The following RHOBTB1 variants were observed in gnomAD, a reference collection of about 807,000 sequenced individuals.
The protein encoded by RHOBTB1 is rho-related BTB domain-containing protein 1.
Under a neutral mutation model 71.6 loss-of-function variants are expected in RHOBTB1, and 40 were observed. The observed-to-expected ratio is 0.56, with a 90% CI of 0.43 to 0.73. The LOEUF (loss-of-function observed/expected upper bound fraction) is 0.73, where lower values mean the gene tolerates loss of function less well. Ranked by LOEUF, RHOBTB1 falls within the 30% of genes least tolerant of loss-of-function variation. The pLI is 0.00. For synonymous variants in RHOBTB1, 319 were observed against 334.9 expected (o/e 0.95, Z 0.52); for missense variants, 797 against 894.0 (o/e 0.89, Z 1.38).
chr10:60,954,712 C>G (rs188068749), intron 2 of RHOBTB1, among the ~76,000 whole-genome samples: 1 of 151,996 alleles, frequency 6.6e-6, no homozygotes, highest in Admixed American at 6.5e-5. Flanking sequence ...GGAAATGTGA[C>G]AAAATTATTT....
intron 1 of RHOBTB1, among the ~76,000 whole-genome samples, chr10:60,986,535 C>G (rs1589463423): frequency 1.3e-5 from 2 of 150,022 alleles, no homozygotes; most frequent in South Asian, 4.2e-4. Flanking sequence ...AAACGAAGTC[C>G]TATTCTTAGG....
chr10:61,001,809 C>A (rs2087290354), upstream of RHOBTB1, among the ~76,000 whole-genome samples: 1 of 152,210 alleles, frequency 6.6e-6, no homozygotes, highest in African/African-American at 2.4e-5. Context: ...TGCGGCCTCG[C>A]CATTCTCCGC....
At chr10:60,946,852 C>T (rs575582599), upstream of RHOBTB1, among the ~76,000 whole-genome samples, 643 of 152,272 alleles carry the variant, frequency 4.2e-3, 1 homozygote, top group Non-Finnish European at 7.1e-3. Flanking sequence ...AAAGAACAGT[C>T]AGCCATGTTG....
chr10:60,927,860 C>T (rs2083981613), intron 2 of RHOBTB1, among the ~76,000 whole-genome samples: 1 of 152,020 alleles, frequency 6.6e-6, no homozygotes, highest in African/African-American at 2.4e-5. Context: ...ACATCAAGCA[C>T]AGCAAAGGAA....
intron 2 of RHOBTB1, among the ~76,000 whole-genome samples, chr10:60,984,681 T>A (rs1056619032): frequency 1.3e-5 from 2 of 152,200 alleles, no homozygotes; most frequent in Non-Finnish European, 2.9e-5. Context: ...TATGCACACA[T>A]GGTAATATCT....
chr10:61,001,441 G>C (rs1432622408), upstream of RHOBTB1: 3 of 151,348 alleles, frequency 2.0e-5, no homozygotes, highest in African/African-American at 7.3e-5. Flanking sequence ...GGGTCCCGCC[G>C]GGCGGCCGAG....
chr10:60,888,321 C>T lies in RHOBTB1; in HGVS notation c.1347G>A (p.Val449=), dbSNP rs1170572310. The T allele has an allele frequency of 6.2e-6, 10 of 1,614,098 alleles. No homozygotes were observed. In the South Asian group the frequency reaches 7.7e-5, roughly 12 times the overall value. The change falls in exon 6 of 11, where the codon GTG becomes GTA. Residue 449 remains valine (V), a synonymous_variant. Transcript: ENST00000337910. ...AGGCTTCCTTGTTCATGATGTTTTC[C>T]ACCATCATCCTCAAATCGAACATCT... ...VLEMFDLRMM[V]ENIMNKEAFM... is the part of the protein sequence containing the mutation.
At chr10:60,931,556 T>A (rs1589347280) in intron 2 of RHOBTB1, among the ~76,000 whole-genome samples, 1 of 152,304 alleles carries the variant, frequency 6.6e-6, no homozygotes, top group East Asian at 1.9e-4. Flanking sequence ...GACATATTAC[T>A]TCTATAATGA....
At chr10:60,964,431 T>C (rs1167317378) in intron 2 of RHOBTB1, among the ~76,000 whole-genome samples, 1 of 152,146 alleles carries the variant, frequency 6.6e-6, no homozygotes, top group African/African-American at 2.4e-5. Context: ...AATCAACTTG[T>C]ATTAAGGAAG....
chr10:60,956,001 A>T (rs2085579328), intron 2 of RHOBTB1, among the ~76,000 whole-genome samples: 1 of 152,212 alleles, frequency 6.6e-6, no homozygotes, highest in Admixed American at 6.5e-5. Context: ...TAATACAGTC[A>T]TGCATCCCTT....
chr10:60,888,640 G>A lies in RHOBTB1; in HGVS notation c.1028C>T (p.Ala343Val). 1 of 1,614,196 alleles carries A rather than the reference G, an allele frequency of 6.2e-7. No homozygotes were observed. The highest frequency in any genetic ancestry group is 8.5e-7 in the Non-Finnish European group (1 of 1,180,040). Residue 343 changes from alanine (A) to valine (V), a missense_variant, in exon 6 of 11, where the codon GCC becomes GTC. Coordinates refer to ENST00000337910, the MANE Select transcript of RHOBTB1 (RefSeq NM_014836.5). ...CTTGTTTGAAGACTTCCACTGGTCG[G>A]CCTGAGGAATCCTAGGCGGGCCCTC... is the stretch of plus-strand genomic sequence containing the variant. ...REEGPPRIPQ[A>V]DQWKSSNKSL...
At chr10:60,898,201 C>T (rs572053500) in intron 4 of RHOBTB1, among the ~76,000 whole-genome samples, 1 of 152,198 alleles carries the variant, frequency 6.6e-6, no homozygotes, top group African/African-American at 2.4e-5. Context: ...GGCTTCTTTT[C>T]TTTGTCACTG....
intron 2 of RHOBTB1, among the ~76,000 whole-genome samples, chr10:60,935,678 G>C (rs1246613019): frequency 6.6e-6 from 1 of 152,052 alleles, no homozygotes; most frequent in Non-Finnish European, 1.5e-5. Flanking sequence ...AGGCCCATTA[G>C]TGCCAGTATT....
intron 2 of RHOBTB1, among the ~76,000 whole-genome samples, chr10:60,938,897 G>T (rs2084749891): frequency 6.6e-6 from 1 of 151,890 alleles, no homozygotes; most frequent in South Asian, 2.1e-4. Flanking sequence ...TAACGTGTTT[G>T]GCATCTAGTA....
downstream of RHOBTB1, among the ~76,000 whole-genome samples, chr10:60,867,468 T>C (rs1201419537): frequency 2.6e-5 from 4 of 152,222 alleles, no homozygotes; most frequent in Non-Finnish European, 5.9e-5. Context: ...CTATGTTCTG[T>C]TGTAAATCCA....
intron 2 of RHOBTB1, among the ~76,000 whole-genome samples, chr10:60,917,447 T>C (rs1482008423): frequency 6.6e-6 from 1 of 152,188 alleles, no homozygotes; most frequent in Non-Finnish European, 1.5e-5. Context: ...CAACAGAAAT[T>C]CATTTCTCAC....
At chr10:60,880,385 T>C (rs1404600792) in intron 7 of RHOBTB1, among the ~76,000 whole-genome samples, 1 of 152,128 alleles carries the variant, frequency 6.6e-6, no homozygotes, top group Non-Finnish European at 1.5e-5. Flanking sequence ...ACTTTCTTTG[T>C]TATTCTCCTA....
chr10:60,978,687 C>T (rs937910026), intron 2 of RHOBTB1, among the ~76,000 whole-genome samples: 9 of 152,076 alleles, frequency 5.9e-5, no homozygotes, highest in Non-Finnish European at 8.8e-5. Flanking sequence ...AAATGTCATT[C>T]GAGGGCACAA....
chr10:60,867,451 A>G (rs1374213754), downstream of RHOBTB1, among the ~76,000 whole-genome samples: 1 of 152,210 alleles, frequency 6.6e-6, no homozygotes, highest in Non-Finnish European at 1.5e-5. Flanking sequence ...GGTAGCACCC[A>G]TTTCATCTAT....
Sources: allele counts gnomAD v4.1 joint callset (sites outside exome capture counted in the v4.1 genomes callset), GRCh38; gene constraint gnomAD v4.1.1; transcripts MANE v1.5; gene names NCBI Gene and HGNC (gene_info 2026-07-23, HGNC 2026-07-21).